The following CLIP1 variants were observed in gnomAD, a reference collection of about 807,000 sequenced individuals.
CLIP1 encodes CAP-Gly domain-containing linker protein 1.
A neutral mutation model predicts 161.6 loss-of-function variants in CLIP1; 66 were observed. That is an observed-to-expected ratio of 0.41 (90% CI 0.33 to 0.50). The LOEUF (loss-of-function observed/expected upper bound fraction) is 0.50. Among genes scored for constraint, CLIP1 ranks in the 20% least tolerant of loss-of-function variants. The pLI is 0.27. For missense variants in CLIP1, 1,376 were observed against 1,702.0 expected (o/e 0.81, Z 3.37); for synonymous variants, 598 against 626.2 (o/e 0.96, Z 0.67).
At chr12:122,412,860 A>G (rs1338209523) in intron 1 of CLIP1, among the ~76,000 whole-genome samples, 1 of 152,150 alleles carries the variant, frequency 6.6e-6, no homozygotes, top group Non-Finnish European at 1.5e-5. Context: ...ATAAAGAAAA[A>G]AATAAACCTG....
chr12:122,317,991 A>G (rs532273235), intron 18 of CLIP1, among the ~76,000 whole-genome samples: 1 of 152,330 alleles, frequency 6.6e-6, no homozygotes, highest in South Asian at 2.1e-4. Flanking sequence ...ATTAACAGCT[A>G]TGATTTTTTA....
At chr12:122,298,101 T>A (rs908871280) in intron 20 of CLIP1, among the ~76,000 whole-genome samples, 1 of 152,168 alleles carries the variant, frequency 6.6e-6, no homozygotes, top group Non-Finnish European at 1.5e-5. Context: ...CCTGATCCTG[T>A]TTCTTTCTCC....
chr12:122,327,850 A>G (rs1951765775), intron 17 of CLIP1, 97 bp downstream of exon 17: 1 of 1,142,588 alleles, frequency 8.8e-7, no homozygotes, highest in Non-Finnish European at 1.3e-6. Context: ...GGCCACCTTA[A>G]CTTTTCCCAC....
intron 1 of CLIP1, among the ~76,000 whole-genome samples, chr12:122,398,233 T>C (rs990980207): frequency 1.4e-5 from 2 of 144,548 alleles, no homozygotes; most frequent in African/African-American, 5.2e-5. Context: ...CTGGCCAACA[T>C]GGTGAAACCC....
At chr12:122,398,543 T>A (rs1956019205) in intron 1 of CLIP1, among the ~76,000 whole-genome samples, 1 of 152,060 alleles carries the variant, frequency 6.6e-6, no homozygotes, top group South Asian at 2.1e-4. Flanking sequence ...GCAGAGACAT[T>A]TTACTCGTAA....
At chr12:122,416,966 C>G (rs1011717030) in intron 1 of CLIP1, among the ~76,000 whole-genome samples, 46 of 151,436 alleles carry the variant, frequency 3.0e-4, no homozygotes, top group Non-Finnish European at 2.1e-4. Flanking sequence ...TCCCAACAGT[C>G]TGGGTGGGAG....
chr12:122,291,665 A>C (rs2136320027), intron 20 of CLIP1, among the ~76,000 whole-genome samples: 1 of 152,274 alleles, frequency 6.6e-6, no homozygotes, highest in East Asian at 1.9e-4. Context: ...TCAGCAGATG[A>C]TATCAGGAGG....
intron 20 of CLIP1, among the ~76,000 whole-genome samples, chr12:122,309,397 G>C (rs1017948770): frequency 1.3e-5 from 2 of 152,072 alleles, no homozygotes; most frequent in Non-Finnish European, 1.5e-5. Flanking sequence ...AATCAATTTT[G>C]ATGAAAGTGA....
intron 4 of CLIP1, among the ~76,000 whole-genome samples, chr12:122,362,713 TAA>T (rs34046739): frequency 0.13 from 13,683 of 105,676 alleles, 930 homozygotes; most frequent in Middle Eastern, 0.17. Flanking sequence ...AAAAATATGA[TAA>T]AAAAAAAAAA....
chr12:122,310,677 C>G (rs1401125938), intron 19 of CLIP1, among the ~76,000 whole-genome samples: 1 of 152,176 alleles, frequency 6.6e-6, no homozygotes, highest in Non-Finnish European at 1.5e-5. Context: ...AATATTTGAT[C>G]ACTAAATCTT....
intron 3 of CLIP1, among the ~76,000 whole-genome samples, chr12:122,373,329 A>G (rs1195614434): frequency 1.3e-5 from 2 of 152,008 alleles, no homozygotes; most frequent in African/African-American, 4.8e-5. Flanking sequence ...AGGCTGAGGC[A>G]CGAGAATCGC....
Position 122,340,836 on chromosome 12 carries a change from T to C in CLIP1, c.2368A>G (p.Met790Val). ...RKASSEGKSE[M>V]KKLRQQLEAA... ...TCAAGCTGCTGTCTAAGTTTCTTCATTTCCGATTTACCTTCGGAACTGGCT... is the reference window on the plus strand; with the variant it reads ...TCAAGCTGCTGTCTAAGTTTCTTCACTTCCGATTTACCTTCGGAACTGGCT... Residue 790 changes from methionine to valine, a missense_variant, in exon 11 of 26, where the codon ATG becomes GTG. Transcript: ENST00000620786. The C allele has an allele frequency of 6.2e-7, 1 of 1,614,056 alleles. No individual in the cohort carries two copies. The highest frequency in any genetic ancestry group is 8.5e-7 in the Non-Finnish European group (1 of 1,179,970).
intron 1 of CLIP1, among the ~76,000 whole-genome samples, chr12:122,418,701 T>C (rs997793147): frequency 6.6e-6 from 1 of 152,194 alleles, no homozygotes; most frequent in Non-Finnish European, 1.5e-5. Flanking sequence ...AGTTCAAGGC[T>C]GTAGTGAACT....
At chr12:122,401,929 G>A (rs1321624313) in intron 1 of CLIP1, among the ~76,000 whole-genome samples, 1 of 152,018 alleles carries the variant, frequency 6.6e-6, no homozygotes, top group Non-Finnish European at 1.5e-5. Context: ...CCTGGGAGGT[G>A]GGGGTTGCAG....
chr12:122,305,941 G>A (rs927961948), intron 20 of CLIP1, among the ~76,000 whole-genome samples: 2 of 151,324 alleles, frequency 1.3e-5, no homozygotes, highest in Admixed American at 6.6e-5. Context: ...GGTGGCACGC[G>A]CCTGTAGTCC....
chr12:122,285,516 G>C (rs1209222577), intron 21 of CLIP1, among the ~76,000 whole-genome samples: 2 of 151,976 alleles, frequency 1.3e-5, no homozygotes, highest in Non-Finnish European at 1.5e-5. Flanking sequence ...ACAGGTGTAA[G>C]CCACGGTGCC....
chr12:122,298,646 G>A (rs983658167), intron 20 of CLIP1, among the ~76,000 whole-genome samples: 5 of 149,686 alleles, frequency 3.3e-5, no homozygotes, highest in African/African-American at 1.2e-4. Flanking sequence ...CATTCACATT[G>A]TCCTTTATCA....
In CLIP1 at chr12:122,347,423, A is replaced by G; in HGVS notation, c.1458T>C (p.Phe486=). 7 of 1,613,942 alleles carry G rather than the reference A, an allele frequency of 4.3e-6. No homozygotes were observed. The highest frequency in any genetic ancestry group is 5.9e-6 in the Non-Finnish European group (7 of 1,179,798). Residue 486 remains phenylalanine (F), a synonymous_variant, in exon 10 of 26, where the codon TTT becomes TTC. Transcript: ENST00000620786. ...RIKELEQSLL[F]EKTKADKLQR... ...GGAGTTTGTCAGCTTTGGTCTTTTC[A>G]AAGAGCAGGCTCTGTTCAAGCTCCT...
rs148450888 is a variant in CLIP1 at position 122,381,758 on chromosome 12, A to C, written c.-106-1200T>G. Among the ~76,000 whole-genome samples, 74 of 152,312 alleles carry C rather than the reference A, an allele frequency of 4.9e-4. No homozygotes were observed. In the East Asian group the frequency reaches 0.01, roughly 21 times the overall value. On this transcript the variant is annotated intron_variant, in intron 1 of 25. Coordinates refer to ENST00000620786, the MANE Select transcript of CLIP1 (RefSeq NM_001247997.2). ...ATCTGGCCAGGGATGACAAAGGTAC[A>C]TGCAGCCCACTCCAGCGGATGGAAC... is the stretch of plus-strand genomic sequence containing the variant.
Sources: allele counts gnomAD v4.1 joint callset (sites outside exome capture counted in the v4.1 genomes callset), GRCh38; gene constraint gnomAD v4.1.1; transcripts MANE v1.5; gene names NCBI Gene and HGNC (gene_info 2026-07-23, HGNC 2026-07-21).